ATP10B: variants seen among roughly 807,000 people sequenced by gnomAD.
ATP10B encodes the protein phospholipid-transporting ATPase VB.
ATP10B carries 122 observed loss-of-function variants against 141.2 expected under a neutral mutation model. That is an observed-to-expected ratio of 0.86 (90% CI 0.75 to 1.00). The LOEUF (loss-of-function observed/expected upper bound fraction) is 1.00. Among genes scored for constraint, ATP10B ranks in the 50% least tolerant of loss-of-function variants. ATP10B has a pLI of 0.00. For missense variants in ATP10B, 1,876 were observed against 1,825.3 expected (o/e 1.03, Z -0.51); for synonymous variants, 685 against 692.0 (o/e 0.99, Z 0.16).
intron 21 of ATP10B, among the ~76,000 whole-genome samples, chr5:160,601,651 A>C (rs777802464): frequency 3.3e-5 from 5 of 152,206 alleles, no homozygotes; most frequent in African/African-American, 4.8e-5. Flanking sequence ...ATAGGGCTAT[A>C]TGTTTTTCAG....
intron 24 of ATP10B, among the ~76,000 whole-genome samples, chr5:160,574,537 A>T (rs1310906617): frequency 6.6e-6 from 1 of 152,192 alleles, no homozygotes; most frequent in East Asian, 1.9e-4. Flanking sequence ...ATAGCCATGA[A>T]AAACAAATTG....
chr5:160,617,787 T>C (rs1758105805), intron 16 of ATP10B, 77 bp downstream of exon 16: 1 of 1,258,364 alleles, frequency 7.9e-7, no homozygotes, highest in East Asian at 2.3e-5. Flanking sequence ...GGGTCTTTTA[T>C]AAAGAAAAAG....
At chr5:160,824,946 C>A (rs1774463660) in intron 1 of ATP10B, among the ~76,000 whole-genome samples, 1 of 132,050 alleles carries the variant, frequency 7.6e-6, no homozygotes, top group African/African-American at 2.6e-5. Context: ...GTAAAATAGG[C>A]CTGTGTTCCT....
At chr5:160,822,856 G>T (rs1326031016) in intron 1 of ATP10B, among the ~76,000 whole-genome samples, 1 of 151,300 alleles carries the variant, frequency 6.6e-6, no homozygotes, top group East Asian at 1.9e-4. Flanking sequence ...ATGGTTACTA[G>T]AGACTGGGAA....
intron 2 of ATP10B, among the ~76,000 whole-genome samples, chr5:160,764,853 T>A (rs1405039811): frequency 1.3e-5 from 2 of 152,146 alleles, no homozygotes; most frequent in Non-Finnish European, 2.9e-5. Context: ...GATAAATGAA[T>A]TCAGTAAACT....
chr5:160,778,520 A>T (rs942575990), intron 2 of ATP10B, among the ~76,000 whole-genome samples: 1 of 152,198 alleles, frequency 6.6e-6, no homozygotes, highest in Non-Finnish European at 1.5e-5. Context: ...CAGCAGAAGC[A>T]TCCAACTCTA....
At position 160,617,965 on chromosome 5, in the gene ATP10B, T is replaced by A. The variant is rs376488782; in HGVS notation, c.2425A>T (p.Ile809Phe). 17 of 1,613,758 alleles carry A rather than the reference T, an allele frequency of 1.1e-5. No homozygotes were observed. The highest frequency in any genetic ancestry group is 4.5e-5 in the East Asian group (2 of 44,886). Reference sequence around the variant, plus strand: ...TTTCTCAGCTTCTTTTCCATATTAATGTCAGGTACTGTCAAATAGCCATTT... The same window carrying A: ...TTTCTCAGCTTCTTTTCCATATTAAAGTCAGGTACTGTCAAATAGCCATTT... ...LLEDPACVPD[I>F]NMEKKLRKIR... The change falls in exon 16 of 26, where the codon ATT becomes TTT. Residue 809 changes from isoleucine (I) to phenylalanine (F), a missense_variant. By Grantham distance (21) the Ile-to-Phe change is conservative. Coordinates refer to ENST00000327245, the MANE Select transcript of ATP10B (RefSeq NM_025153.3).
At chr5:160,708,618 T>A (rs773534211) in intron 3 of ATP10B, among the ~76,000 whole-genome samples, 1 of 152,222 alleles carries the variant, frequency 6.6e-6, no homozygotes, top group Non-Finnish European at 1.5e-5. Flanking sequence ...TACAGAATCA[T>A]GTAGAGAAGC....
chr5:160,854,873 A>G (rs1287884082), upstream of ATP10B, among the ~76,000 whole-genome samples: 6 of 152,114 alleles, frequency 3.9e-5, no homozygotes, highest in African/African-American at 1.4e-4. Context: ...ACTTTAATAG[A>G]TTGACGCAAT....
At chr5:160,636,885 C>T (rs932848729) in intron 10 of ATP10B, among the ~76,000 whole-genome samples, 1 of 151,620 alleles carries the variant, frequency 6.6e-6, no homozygotes, top group African/African-American at 2.4e-5. Context: ...TCCATTTATC[C>T]ATCCATCCTT....
chr5:160,674,784 G>A (rs1005411718), intron 6 of ATP10B, among the ~76,000 whole-genome samples: 4 of 151,780 alleles, frequency 2.6e-5, no homozygotes, highest in African/African-American at 7.3e-5. Context: ...AAAAAGTTTA[G>A]GGGAAACATA....
At chr5:160,610,293 T>G (rs935832447) in intron 18 of ATP10B, among the ~76,000 whole-genome samples, 3 of 152,212 alleles carry the variant, frequency 2.0e-5, no homozygotes, top group Non-Finnish European at 4.4e-5. Flanking sequence ...ATAGCAGTCC[T>G]GTGGAGAGGC....
chr5:160,800,443 C>A (rs1045863038), intron 1 of ATP10B, among the ~76,000 whole-genome samples: 1 of 152,076 alleles, frequency 6.6e-6, no homozygotes, highest in Non-Finnish European at 1.5e-5. Flanking sequence ...ACAAATGTGA[C>A]CATTGAAAAG....
intron 1 of ATP10B, among the ~76,000 whole-genome samples, chr5:160,808,391 TCA>T (rs1178094603): frequency 6.6e-6 from 1 of 152,208 alleles, no homozygotes; most frequent in Non-Finnish European, 1.5e-5. Flanking sequence ...CTGAGAGTTA[TCA>T]GAGGATCCTA....
chr5:160,900,903 G>A, the ATP10B span, among the ~76,000 whole-genome samples: 1 of 127,508 alleles, frequency 7.8e-6, no homozygotes, highest in South Asian at 2.9e-4. Context: ...TTGGGGGGTA[G>A]AGAAGTTTTT....
At chr5:160,569,760 A>G in intron 24 of ATP10B, 77 bp from the exon 25 acceptor site, 1 of 1,200,440 alleles carries the variant, frequency 8.3e-7, no homozygotes, top group Admixed American at 3.1e-5. Flanking sequence ...TACTTGATTA[A>G]CTTTGTTTCA....
At chr5:160,806,835 C>T (rs1772807878) in intron 1 of ATP10B, among the ~76,000 whole-genome samples, 1 of 152,266 alleles carries the variant, frequency 6.6e-6, no homozygotes, top group Non-Finnish European at 1.5e-5. Flanking sequence ...TATTCTTGAC[C>T]AATATGCCAT....
intron 3 of ATP10B, among the ~76,000 whole-genome samples, chr5:160,693,730 GCATTCCTTAGA>G (rs1764212116): frequency 6.6e-6 from 1 of 152,172 alleles, no homozygotes; most frequent in African/African-American, 2.4e-5. Context: ...AGATTATCAG[GCATTCCTTAGA>G]TTCTCATAAG....
intron 17 of ATP10B, chr5:160,614,259 G>C (rs1156308172): frequency 6.6e-6 from 1 of 152,162 alleles, no homozygotes; most frequent in Non-Finnish European, 1.5e-5. Context: ...CGGTGAGGCA[G>C]AGTGAAGGAG....
Sources: gnomAD v4.1 joint callset for allele counts (sites outside exome capture counted in the v4.1 genomes callset) on GRCh38, gnomAD v4.1.1 for gene constraint, MANE v1.5 for transcripts, NCBI Gene and HGNC (gene_info 2026-07-23, HGNC 2026-07-21) for gene names.